The following CNTN6 variants were observed in gnomAD, a reference collection of about 807,000 sequenced individuals.
CNTN6 encodes contactin-6.
A neutral mutation model predicts 122.8 loss-of-function variants in CNTN6; 137 were observed. The ratio of observed to expected loss-of-function variants is 1.12; its 90% CI spans 0.97 to 1.29. The LOEUF is 1.29. Among genes scored for constraint, CNTN6 ranks in the 50% most tolerant of loss-of-function variants. The pLI, the probability that CNTN6 is intolerant of heterozygous loss-of-function variation, is 0.00. For synonymous variants in CNTN6, 570 were observed against 426.0 expected (o/e 1.34, Z -4.16); for missense variants, 1,634 against 1,223.4 (o/e 1.34, Z -5.01).
intron 6 of CNTN6, among the ~76,000 whole-genome samples, chr3:1,297,638 CTT>C (rs71303106): frequency 4.3e-5 from 6 of 138,518 alleles, no homozygotes; most frequent in African/African-American, 7.7e-5. Context: ...TTGTTTTTTT[CTT>C]TTTTTTTTTT....
At chr3:1,302,194 T>C (rs1697547120) in intron 7 of CNTN6, among the ~76,000 whole-genome samples, 1 of 152,162 alleles carries the variant, frequency 6.6e-6, no homozygotes, top group Non-Finnish European at 1.5e-5. Flanking sequence ...ATAAATCATA[T>C]TCTCTAACAT....
At chr3:1,360,817 C>T (rs1347134358) in intron 12 of CNTN6, among the ~76,000 whole-genome samples, 7 of 152,072 alleles carry the variant, frequency 4.6e-5, no homozygotes, top group Admixed American at 4.6e-4. Context: ...CCTTGAACTC[C>T]TGATTCTTAC....
At chr3:1,340,317 T>C (rs1703702274) in intron 11 of CNTN6, among the ~76,000 whole-genome samples, 1 of 152,136 alleles carries the variant, frequency 6.6e-6, no homozygotes, top group African/African-American at 2.4e-5. Flanking sequence ...AATAGTGATA[T>C]GCAAGGTAAA....
rs768708763 is a variant in CNTN6 at position 1,352,333 on chromosome 3, C to G, written c.1374C>G (p.Leu458=). The change falls in exon 12 of 23, where the codon CTC becomes CTG. Residue 458 remains leucine (L), a synonymous_variant. Coordinates refer to ENST00000446702, the MANE Select transcript of CNTN6 (RefSeq NM_001289080.2). ...ETLRQSKRIF[L]LEDGSLKIYN... ...TGTATTTTCTTTTTAGAATATTTCT[C>G]TTGGAGGATGGCAGCCTCAAGATAT... The G allele has an allele frequency of 8.5e-6, 13 of 1,523,800 alleles. No individual in the cohort carries two copies. In the African/African-American group the frequency reaches 1.3e-4, roughly 15 times the overall value. The allele number at this position is 1,523,800 out of a possible 1,614,324, so 94.4% of individuals were successfully genotyped here.
intron 20 of CNTN6, among the ~76,000 whole-genome samples, chr3:1,396,721 TAA>T (rs941655867): frequency 2.0e-5 from 3 of 152,202 alleles, no homozygotes; most frequent in Non-Finnish European, 2.9e-5. Context: ...TTTCACTTTA[TAA>T]GTTTGTTGCA....
chr3:1,177,786 AT>A (rs1344862598), intron 2 of CNTN6, among the ~76,000 whole-genome samples: 2 of 150,746 alleles, frequency 1.3e-5, no homozygotes, highest in African/African-American at 2.4e-5. Context: ...ATATGTATAA[AT>A]TTTTTTTCTT....
intron 4 of CNTN6, among the ~76,000 whole-genome samples, chr3:1,277,758 G>C (rs1692679488): frequency 6.6e-6 from 1 of 152,064 alleles, no homozygotes. Flanking sequence ...TAGGAGAATG[G>C]GTGACCATTC....
In CNTN6 at chr3:1,372,392, T is replaced by C. The variant is rs753958360; in HGVS notation, c.1586T>C (p.Ile529Thr). 1 of 1,612,836 alleles carries C rather than the reference T, an allele frequency of 6.2e-7. No homozygotes were observed. Among genetic ancestry groups the C allele is most frequent in the East Asian group, 2.2e-5 (1 of 44,826 alleles). ...TGCCAGGTGTCCCATGACCCCTCCA[T>C]TGAAGTGGTATTTGTATGGTTTTTC... ...LPCQVSHDPS[I>T]EVVFVWFFNG... Residue 529 changes from isoleucine to threonine, a missense_variant, in exon 13 of 23, where the codon ATT becomes ACT. Transcript: ENST00000446702.
intron 5 of CNTN6, among the ~76,000 whole-genome samples, chr3:1,284,954 C>T (rs1694086543): frequency 6.6e-6 from 1 of 152,174 alleles, no homozygotes; most frequent in South Asian, 2.1e-4. Flanking sequence ...TACTTTCAGA[C>T]ATTTTAGGGA....
chr3:1,305,307 G>C (rs1164755433), intron 7 of CNTN6, among the ~76,000 whole-genome samples: 1 of 152,148 alleles, frequency 6.6e-6, no homozygotes, highest in East Asian at 1.9e-4. Flanking sequence ...TGTGAGTATA[G>C]AATAATTAAG....
chr3:1,318,081 AAAGGAAAGAAAGAGAG>A (rs1700350597), intron 7 of CNTN6, among the ~76,000 whole-genome samples: 2 of 151,630 alleles, frequency 1.3e-5, no homozygotes, highest in Non-Finnish European at 2.9e-5. Context: ...AAGAAGAAAA[AAAGGAAAGAAAGAGAG>A]AAGGAAAGAA....
At chr3:1,398,847 G>C (rs1695302194) in intron 20 of CNTN6, among the ~76,000 whole-genome samples, 1 of 152,046 alleles carries the variant, frequency 6.6e-6, no homozygotes, top group African/African-American at 2.4e-5. Context: ...CTGTATAATT[G>C]GCTATTCATA....
chr3:1,276,981 C>T (rs1692486614), intron 4 of CNTN6, among the ~76,000 whole-genome samples: 1 of 152,112 alleles, frequency 6.6e-6, no homozygotes, highest in African/African-American at 2.4e-5. Context: ...GTAGGTGGAT[C>T]AGGAACATCA....
intron 12 of CNTN6, among the ~76,000 whole-genome samples, chr3:1,370,809 C>G (rs1708902135): frequency 6.6e-6 from 1 of 152,070 alleles, no homozygotes; most frequent in Non-Finnish European, 1.5e-5. Flanking sequence ...GATGGCATCA[C>G]TGCACTCTAG....
At chr3:1,100,303 T>C (rs1260222810) in intron 1 of CNTN6, among the ~76,000 whole-genome samples, 2 of 152,296 alleles carry the variant, frequency 1.3e-5, no homozygotes, top group East Asian at 1.9e-4. Context: ...AAGATACTTT[T>C]CTCTCAACAA....
intron 7 of CNTN6, among the ~76,000 whole-genome samples, chr3:1,316,340 C>CT (rs1700094557): frequency 6.6e-6 from 1 of 151,806 alleles, no homozygotes; most frequent in Non-Finnish European, 1.5e-5. Context: ...CCTCAGGAAA[C>CT]TTACAATCAT....
intron 12 of CNTN6, among the ~76,000 whole-genome samples, chr3:1,370,172 G>A (rs547055403): frequency 2.0e-5 from 3 of 151,784 alleles, no homozygotes; most frequent in African/African-American, 7.2e-5. Flanking sequence ...ATGGCAGTTG[G>A]CCAAGTTTTT....
At chr3:1,358,008 A>T (rs1039180184) in intron 12 of CNTN6, among the ~76,000 whole-genome samples, 3 of 151,804 alleles carry the variant, frequency 2.0e-5, no homozygotes, top group Non-Finnish European at 4.4e-5. Context: ...AACTTTTTTT[A>T]TGTCACTTAA....
intron 11 of CNTN6, among the ~76,000 whole-genome samples, chr3:1,349,164 C>T (rs1468407422): frequency 6.6e-6 from 1 of 151,870 alleles, no homozygotes; most frequent in Non-Finnish European, 1.5e-5. Flanking sequence ...ATGGTGCTCA[C>T]AAATTTCCAC....
Sources: allele counts gnomAD v4.1 joint callset (sites outside exome capture counted in the v4.1 genomes callset), GRCh38; gene constraint gnomAD v4.1.1; transcripts MANE v1.5; gene names NCBI Gene and HGNC (gene_info 2026-07-23, HGNC 2026-07-21).